ATRN: variants seen among roughly 807,000 people sequenced by gnomAD.
ATRN encodes attractin, also known as attractin-2.
ATRN carries 54 observed loss-of-function variants against 178.7 expected under a neutral mutation model. The observed-to-expected ratio is 0.30, with a 90% CI of 0.24 to 0.38. ATRN has a LOEUF of 0.38. ATRN is among the 10% of genes least tolerant of loss of function. The pLI is 1.00. For missense variants in ATRN, 1,443 were observed against 1,815.1 expected, an observed-to-expected ratio of 0.79 and a Z score of 3.73; for synonymous variants, 636 against 663.0, an observed-to-expected ratio of 0.96 and a Z score of 0.63.
intron 11 of ATRN, among the ~76,000 whole-genome samples, chr20:3,568,785 A>G (rs2086074401): frequency 6.6e-6 from 1 of 152,196 alleles, no homozygotes; most frequent in African/African-American, 2.4e-5. Context: ...ATGCCTGAAC[A>G]AAGCTTATGT....
In ATRN at chr20:3,563,273, A is replaced by G. The variant is rs1226569433; in HGVS notation, c.1696A>G (p.Met566Val). Residue 566 changes from methionine to valine, a missense_variant, in exon 10 of 29, where the codon ATG becomes GTG. Met to Val is a conservative substitution (Grantham distance 21, BLOSUM62 1). Coordinates refer to ENST00000262919, the MANE Select transcript of ATRN (RefSeq NM_139321.3). ...CACAGCTGTGATAGTGAGTGGAACCATGCTGGTGTTTGGAGGAAACACACA... is the reference window on the plus strand; with the variant it reads ...CACAGCTGTGATAGTGAGTGGAACCGTGCTGGTGTTTGGAGGAAACACACA... ...LHTAVIVSGT[M>V]LVFGGNTHND... The G allele has an allele frequency of 1.4e-5, 23 of 1,614,072 alleles. No individual in the cohort carries two copies. The highest frequency in any genetic ancestry group is 3.3e-5 in the South Asian group (3 of 91,090).
At chr20:3,573,354 AGT>A (rs2086155807) in intron 12 of ATRN, among the ~76,000 whole-genome samples, 1 of 152,254 alleles carries the variant, frequency 6.6e-6, no homozygotes, top group South Asian at 2.1e-4. Context: ...AAATGTAGCT[AGT>A]GTGAGTGAAG....
intron 3 of ATRN, among the ~76,000 whole-genome samples, chr20:3,545,234 G>T (rs954485272): frequency 2.0e-5 from 3 of 151,902 alleles, no homozygotes; most frequent in African/African-American, 4.8e-5. Context: ...TGGGCATGGT[G>T]GTGGGCACCT....
At chr20:3,507,231 C>G (rs1186190920) in intron 1 of ATRN, among the ~76,000 whole-genome samples, 2 of 151,350 alleles carry the variant, frequency 1.3e-5, no homozygotes, top group Non-Finnish European at 2.9e-5. Context: ...ATAGTGAAAC[C>G]CTGTCTCTAC....
At chr20:3,628,198 TC>T in intron 25 of ATRN, among the ~76,000 whole-genome samples, 1 of 152,238 alleles carries the variant, frequency 6.6e-6, no homozygotes, top group East Asian at 1.9e-4. Flanking sequence ...AATACTGTGA[TC>T]ATCTTAATCA....
At chr20:3,549,104 A>G in intron 5 of ATRN, 66 bp from the exon 6 acceptor site, 1 of 1,325,600 alleles carries the variant, frequency 7.5e-7, no homozygotes. Context: ...TTAGATAATT[A>G]AAACTTGAAA....
chr20:3,535,109 A>G (rs2085507098), intron 1 of ATRN, 144 bp from the exon 2 acceptor site: 1 of 247,824 alleles, frequency 4.0e-6, no homozygotes, highest in Non-Finnish European at 7.5e-6. Context: ...TACTGGTTAT[A>G]GTGTTTGTTA....
chr20:3,593,036 C>T (rs1431875071), intron 19 of ATRN, among the ~76,000 whole-genome samples: 1 of 152,190 alleles, frequency 6.6e-6, no homozygotes, highest in African/African-American at 2.4e-5. Context: ...CCACTCAAGA[C>T]ACAGGTGCTT....
intron 1 of ATRN, among the ~76,000 whole-genome samples, chr20:3,480,842 C>T (rs2084610337): frequency 6.6e-6 from 1 of 152,122 alleles, no homozygotes; most frequent in African/African-American, 2.4e-5. Flanking sequence ...TTATTTTTAT[C>T]TTAAGAAATA....
chr20:3,497,952 GAAAA>G (rs1433459911), intron 1 of ATRN, among the ~76,000 whole-genome samples: 2 of 151,146 alleles, frequency 1.3e-5, no homozygotes, highest in South Asian at 4.2e-4. Flanking sequence ...GACTAATAAA[GAAAA>G]AAAGAAGAAT....
intron 1 of ATRN, among the ~76,000 whole-genome samples, chr20:3,522,653 T>C (rs2146151177): frequency 6.6e-6 from 1 of 152,278 alleles, no homozygotes; most frequent in Middle Eastern, 3.4e-3. Context: ...GACAGACAGC[T>C]CATACAGGAG....
In ATRN at chr20:3,645,191, T is replaced by TCTGGTG. The variant is rs1261948271; in HGVS notation, c.4165+924_4165+929dup. Among the ~76,000 whole-genome samples, 1 of 152,208 alleles carries TCTGGTG rather than the reference T, an allele frequency of 6.6e-6. No homozygotes were observed. Among genetic ancestry groups the TCTGGTG allele is most frequent in the Non-Finnish European group, 1.5e-5 (1 of 68,028 alleles). ...TACCTTAGCCAGAGAGCACCCTGTG[T>TCTGGTG]CTGGTGGAAAGGCTGCCCCAGGATA... On this transcript the variant is annotated intron_variant, in intron 28 of 28. Transcript: ENST00000262919. The surrounding 1 kb of genome is among the most constrained non-coding windows in gnomAD (Gnocchi z 4.7).
intron 5 of ATRN, among the ~76,000 whole-genome samples, chr20:3,548,626 TACAA>T (rs2085742773): frequency 6.9e-6 from 1 of 145,834 alleles, no homozygotes; most frequent in Non-Finnish European, 1.5e-5. Context: ...AAAAAGATAA[TACAA>T]ATAAAAGATA....
intron 1 of ATRN, among the ~76,000 whole-genome samples, chr20:3,486,323 A>G (rs1287410438): frequency 7.9e-5 from 12 of 152,112 alleles, no homozygotes; most frequent in Admixed American, 5.9e-4. Context: ...ACCAGCCAGC[A>G]TAGATTATTT....
intron 2 of ATRN, among the ~76,000 whole-genome samples, chr20:3,538,323 C>T (rs2085569091): frequency 6.6e-6 from 1 of 152,084 alleles, no homozygotes; most frequent in African/African-American, 2.4e-5. Context: ...TTCTAAGATG[C>T]CCACAGTTTC....
chr20:3,519,069 A>G (rs1178178835), intron 1 of ATRN, among the ~76,000 whole-genome samples: 1 of 150,934 alleles, frequency 6.6e-6, no homozygotes, highest in Non-Finnish European at 1.5e-5. Flanking sequence ...CCAAGCAGAG[A>G]GAACTGGTGT....
intron 22 of ATRN, among the ~76,000 whole-genome samples, chr20:3,600,042 C>T (rs1382777323): frequency 6.6e-6 from 1 of 152,182 alleles, no homozygotes; most frequent in Non-Finnish European, 1.5e-5. Flanking sequence ...AATTTCAGTA[C>T]AGTCGGATGC....
chr20:3,584,510 T>G, intron 17 of ATRN, 137 bp from the exon 18 acceptor site: 1 of 691,466 alleles, frequency 1.4e-6, no homozygotes. Flanking sequence ...CTCTTTACAT[T>G]CATTATCTCT....
At chr20:3,607,193 TAA>T in intron 24 of ATRN, among the ~76,000 whole-genome samples, 1 of 152,230 alleles carries the variant, frequency 6.6e-6, no homozygotes, top group Non-Finnish European at 1.5e-5. Flanking sequence ...AATGATCAAA[TAA>T]GAGTAATTAG....
Sources: allele counts gnomAD v4.1 joint callset (sites outside exome capture counted in the v4.1 genomes callset), GRCh38; gene constraint gnomAD v4.1.1; non-coding constraint Gnocchi (gnomAD v3.1); transcripts MANE v1.5; gene names NCBI Gene and HGNC (gene_info 2026-07-23, HGNC 2026-07-21).